PCDHGA4: variants seen among roughly 807,000 people sequenced by gnomAD.
PCDHGA4 encodes protocadherin gamma-A4.
PCDHGA4 carries 38 observed loss-of-function variants against 54.6 expected under a neutral mutation model. The observed-to-expected ratio is 0.70, with a 90% CI of 0.54 to 0.91. The LOEUF (loss-of-function observed/expected upper bound fraction) is 0.91, where lower values mean the gene tolerates loss of function less well. Among genes scored for constraint, PCDHGA4 ranks in the 40% least tolerant of loss-of-function variants. The probability of loss-of-function intolerance (pLI) is 0.00; values close to 1 mark genes in which losing one functional copy is unlikely to be tolerated. For missense variants in PCDHGA4, 1,298 were observed against 1,220.9 expected, an observed-to-expected ratio of 1.06 and a Z score of -0.94; for synonymous variants, 511 against 512.9, an observed-to-expected ratio of 1.00 and a Z score of 0.05.
intron 1 of PCDHGA4, chr5:141,375,537 C>T: frequency 6.2e-7 from 1 of 1,614,048 alleles, no homozygotes; most frequent in Non-Finnish European, 8.5e-7. Context: ...GACCAGAACG[C>T]CCAAGTCTCC....
chr5:141,393,399 C>G, intron 1 of PCDHGA4: 1 of 1,614,028 alleles, frequency 6.2e-7, no homozygotes, highest in Non-Finnish European at 8.5e-7. Flanking sequence ...AGAGCTGGTG[C>G]TGGAGCGCGC....
At chr5:141,423,090 G>A in intron 1 of PCDHGA4, 2 of 1,614,022 alleles carry the variant, frequency 1.2e-6, no homozygotes, top group Non-Finnish European at 1.7e-6. Flanking sequence ...TCGCGGTGGG[G>A]GAGCACACGG....
At chr5:141,370,735 TA>T (rs762297700) in intron 1 of PCDHGA4, 1 of 1,613,926 alleles carries the variant, frequency 6.2e-7, no homozygotes, top group Non-Finnish European at 8.5e-7. Context: ...GAAAAGCCTT[TA>T]AACTTTTTTC....
intron 1 of PCDHGA4, among the ~76,000 whole-genome samples, chr5:141,481,863 G>A (rs182704348): frequency 8.8e-4 from 130 of 147,602 alleles, no homozygotes; most frequent in African/African-American, 3.3e-3. Flanking sequence ...GCAGTGAGCC[G>A]AGATCGCGCC....
chr5:141,504,206 A>C (rs1209911822), intron 2 of PCDHGA4, among the ~76,000 whole-genome samples: 1 of 152,218 alleles, frequency 6.6e-6, no homozygotes, highest in East Asian at 1.9e-4. Context: ...CTGTGGGAAA[A>C]TTCCAAGTAG....
chr5:141,464,823 C>T (rs890811354), intron 1 of PCDHGA4, among the ~76,000 whole-genome samples: 5 of 151,986 alleles, frequency 3.3e-5, no homozygotes, highest in African/African-American at 1.2e-4. Flanking sequence ...ACTGTAGCCT[C>T]GCACTCCTGG....
chr5:141,381,826 C>CTTTTTTTTTTTT (rs770630741), intron 1 of PCDHGA4, among the ~76,000 whole-genome samples: 14 of 74,282 alleles, frequency 1.9e-4, no homozygotes, highest in Admixed American at 5.8e-4. Context: ...CTTTCTTCTT[C>CTTTTTTTTTTTT]TTTTTTTTTT....
chr5:141,399,996 C>A (rs753801667), intron 1 of PCDHGA4: 5 of 1,612,402 alleles, frequency 3.1e-6, no homozygotes, highest in Non-Finnish European at 4.2e-6. Flanking sequence ...GAGAGGTGCG[C>A]ACAGCGCGTG....
intron 1 of PCDHGA4, among the ~76,000 whole-genome samples, chr5:141,380,852 C>T (rs1429709070): frequency 1.3e-5 from 2 of 152,300 alleles, no homozygotes; most frequent in African/African-American, 4.8e-5. Flanking sequence ...TGGATCAAGA[C>T]ATTGAGAGCT....
chr5:141,479,625 T>C (rs2099501262), intron 1 of PCDHGA4: 1 of 152,228 alleles, frequency 6.6e-6, no homozygotes, highest in Non-Finnish European at 1.5e-5. Flanking sequence ...ACCATGTCTC[T>C]TTAACAATAA....
At chr5:141,384,478 G>T (rs1350381914) in intron 1 of PCDHGA4, 1 of 1,613,986 alleles carries the variant, frequency 6.2e-7, no homozygotes, top group African/African-American at 1.3e-5. Flanking sequence ...GCAGTTGAGA[G>T]AACTACAACT....
At chr5:141,421,278 G>A (rs764787116) in intron 1 of PCDHGA4, 1 of 1,612,872 alleles carries the variant, frequency 6.2e-7, no homozygotes, top group African/African-American at 1.3e-5. Flanking sequence ...TGCTGCTGCT[G>A]TGCATTTTCC....
chr5:141,386,951 G>C (rs1313182720), intron 1 of PCDHGA4, among the ~76,000 whole-genome samples: 4 of 152,342 alleles, frequency 2.6e-5, no homozygotes, highest in Non-Finnish European at 4.4e-5. Flanking sequence ...CAGTGCTTCA[G>C]TGCAGCAGAT....
At chr5:141,393,639 A>G in intron 1 of PCDHGA4, 1 of 1,613,964 alleles carries the variant, frequency 6.2e-7, no homozygotes, top group Non-Finnish European at 8.5e-7. Context: ...AATCAACGGA[A>G]AAGTGGCATA....
chr5:141,401,506 C>A (rs2094161695), intron 1 of PCDHGA4, among the ~76,000 whole-genome samples: 1 of 152,126 alleles, frequency 6.6e-6, no homozygotes, highest in Non-Finnish European at 1.5e-5. Flanking sequence ...CCTTTTCCAC[C>A]TCTATATAAT....
intron 1 of PCDHGA4, chr5:141,389,575 C>T: frequency 1.2e-6 from 2 of 1,613,242 alleles, no homozygotes; most frequent in African/African-American, 1.3e-5. Context: ...CTGTACCCCG[C>T]GCTGGGTCCC....
Position 141,491,711 on chromosome 5 carries a change from C to A in PCDHGA4, c.2515-3096C>A, listed in dbSNP as rs528931820. ...CGGGAGCGGAGCCAGGTGAGGGGCT[C>A]GGCGCCGCCCCGGGCGACCCCTGGG... On this transcript the variant is annotated intron_variant, in intron 1 of 3. Coordinates refer to ENST00000571252, the MANE Select transcript of PCDHGA4 (RefSeq NM_018917.4). The surrounding 1 kb of genome is among the most constrained non-coding windows in gnomAD (Gnocchi z 6.9). 1.3e-4 allele frequency: 217 copies of A among 1,609,356 alleles called. 3 individuals are homozygous for A. In the South Asian group the frequency reaches 2.2e-3, roughly 17 times the overall value.
At position 141,405,272 on chromosome 5, in the gene PCDHGA4, A is replaced by G. The variant is rs551265067; in HGVS notation, c.2514+47651A>G. The G allele has an allele frequency of 9.3e-6, 15 of 1,614,170 alleles. No individual in the cohort carries two copies. In the South Asian group the frequency reaches 1.6e-4, roughly 18 times the overall value. On this transcript the variant is annotated intron_variant, in intron 1 of 3. Transcript: ENST00000571252. ...GAGTCACCTGATCTTCCCCCAGCCC[A>G]ACTATGCAGACACACTCATCAGCCA...
chr5:141,421,861 C>T, intron 1 of PCDHGA4: 2 of 1,613,738 alleles, frequency 1.2e-6, no homozygotes, highest in South Asian at 2.2e-5. Flanking sequence ...TCACCTGCTC[C>T]TCCTCACAGC....
Sources: gnomAD v4.1 joint callset for allele counts (sites outside exome capture counted in the v4.1 genomes callset) on GRCh38, gnomAD v4.1.1 for gene constraint, Gnocchi (gnomAD v3.1) non-coding constraint, MANE v1.5 for transcripts, NCBI Gene and HGNC (gene_info 2026-07-23, HGNC 2026-07-21) for gene names.